Variants in SPRYD3 observed in about 807,000 individuals in gnomAD.
The protein encoded by SPRYD3 is SPRY domain-containing protein 3.
Under a neutral mutation model 50.1 loss-of-function variants are expected in SPRYD3, and 17 were observed. The ratio of observed to expected loss-of-function variants is 0.34; its 90% CI spans 0.23 to 0.51. The LOEUF is 0.51. Among genes scored for constraint, SPRYD3 ranks in the 20% least tolerant of loss-of-function variants. The probability of loss-of-function intolerance (pLI) is 0.97; values close to 1 mark genes in which losing one functional copy is unlikely to be tolerated. For synonymous variants in SPRYD3, 198 were observed against 215.5 expected (o/e 0.92, Z 0.71); for missense variants, 401 against 591.2 (o/e 0.68, Z 3.34).
Position 53,067,638 on chromosome 12 carries a change from C to T in SPRYD3, c.901+10G>A, listed in dbSNP as rs149832708. The stretch of plus-strand genomic sequence containing the variant: ...ACCATCCCACCTTTCCCAGGCAGCC[C>T]GCTATTCACCTGCATGATAAGCCAC... On this transcript the variant is annotated intron_variant, in intron 8 of 10. Transcript: ENST00000301463. 1.6e-3 allele frequency: 2,568 copies of T among 1,613,602 alleles called. 11 individuals are homozygous for T. The highest frequency in any genetic ancestry group is 1.9e-3 in the Non-Finnish European group (2,192 of 1,179,582).
chr12:53,073,260 C>CCGGGGGGGGGGGGGCG, intron 6 of SPRYD3, 26 bp downstream of exon 6: 1 of 416,308 alleles, frequency 2.4e-6, no homozygotes, highest in Non-Finnish European at 4.4e-6. Context: ...GACCCAGCCC[C>CCGGGGGGGGGGGGGCG]TCCCACCCTC....
chr12:53,066,291 C>T (rs1565616411), intron 10 of SPRYD3, 23 bp downstream of exon 10: 16 of 1,608,680 alleles, frequency 9.9e-6, no homozygotes, highest in Admixed American at 1.7e-5. Flanking sequence ...ACCCTGGTCC[C>T]ACCTCAAACT....
rs772471730 is a variant in SPRYD3, at chr12:53,066,343, C to G, written c.1165G>C (p.Glu389Gln). 6.2e-7 allele frequency: 1 copy of G among 1,614,166 alleles called. No homozygotes were observed. Among genetic ancestry groups the G allele is most frequent in the Non-Finnish European group, 8.5e-7 (1 of 1,179,992 alleles). Residue 389 changes from glutamate to glutamine, a missense_variant, in exon 10 of 11, where the codon GAG becomes CAG. Glu to Gln is a conservative substitution (Grantham distance 29). Transcript: ENST00000301463. ...EEEEEDGEEI[E>Q]PEHEGRKVVV... Reference sequence around the variant, plus strand: ...ACCTTCCTGCCCTCATGCTCCGGCTCTATCTCTTCCCCATCCTCTTCCTCT... The same window carrying G: ...ACCTTCCTGCCCTCATGCTCCGGCTGTATCTCTTCCCCATCCTCTTCCTCT...
intron 6 of SPRYD3, among the ~76,000 whole-genome samples, chr12:53,070,511 ACCTGGGTTCAAAT>A: frequency 6.6e-6 from 1 of 152,300 alleles, no homozygotes; most frequent in African/African-American, 2.4e-5. Flanking sequence ...AATCCAACAG[ACCTGGGTTCAAAT>A]CCTAACTCCT....
At position 53,075,212 on chromosome 12, in the gene SPRYD3, A is replaced by G. The variant is rs1343534596; in HGVS notation, c.254T>C (p.Ile85Thr). The G allele has an allele frequency of 1.9e-6, 3 of 1,605,958 alleles. No homozygotes were observed. The highest frequency in any genetic ancestry group is 2.7e-5 in the African/African-American group (2 of 74,890). ...GGTGCCCCGGACTCCACTGTCCACA[A>G]TAGACACCTGGAGAGAAGAAAGCAG... ...TKDSNYFEVSIVDSGVRGTIA... is the reference protein window; with the variant it reads ...TKDSNYFEVSTVDSGVRGTIA... The change falls in exon 4 of 11, where the codon ATT becomes ACT. Residue 85 changes from isoleucine to threonine, a missense_variant. Coordinates refer to ENST00000301463, the MANE Select transcript of SPRYD3 (RefSeq NM_032840.3).
At chr12:53,078,899 C>T (rs1944610703) in intron 1 of SPRYD3, among the ~76,000 whole-genome samples, 1 of 152,188 alleles carries the variant, frequency 6.6e-6, no homozygotes, top group Non-Finnish European at 1.5e-5. Context: ...TATGCAGTAG[C>T]TACAACCCAC....
rs2121195121 is a variant in SPRYD3, at chr12:53,066,403, G to A, written c.1105C>T (p.His369Tyr). Residue 369 changes from histidine (H) to tyrosine (Y), a missense_variant, in exon 10 of 11, where the codon CAC becomes TAC. Physicochemically the swap from His to Tyr is moderately conservative, Grantham distance 83 (BLOSUM62 2). Coordinates refer to ENST00000301463, the MANE Select transcript of SPRYD3 (RefSeq NM_032840.3). ...TCCTCTTCCTCTTCCCCTTCCTGGT[G>A]CAGGTACATGACATTCCGCACGTTC... ...VRNVRNVMYL[H>Y]QEGEEEEEEE... 2 of 1,614,036 alleles carry A rather than the reference G, an allele frequency of 1.2e-6. No individual in the cohort carries two copies. The highest frequency in any genetic ancestry group is 1.3e-5 in the African/African-American group (1 of 74,974).
intron 1 of SPRYD3, 37 bp downstream of exon 1, chr12:53,079,274 C>G: frequency 6.3e-7 from 1 of 1,587,980 alleles, no homozygotes; most frequent in Non-Finnish European, 8.6e-7. Flanking sequence ...CGGGGAGATA[C>G]GAGGCCTCCG....
In SPRYD3 at chr12:53,066,333, TGCTCCG is replaced by T; in HGVS notation, c.1169_1174del (p.Pro390_Glu391del). On this transcript the variant is annotated inframe_deletion, in exon 10 of 11. Coordinates refer to ENST00000301463, the MANE Select transcript of SPRYD3 (RefSeq NM_032840.3). The stretch of plus-strand genomic sequence containing the variant: ...ACTCACCACCACCTTCCTGCCCTCA[TGCTCCG>T]GCTCTATCTCTTCCCCATCCTCTTC... 6.2e-7 allele frequency: 1 copy of T among 1,614,082 alleles called. No homozygotes were observed. The highest frequency in any genetic ancestry group is 1.1e-5 in the South Asian group (1 of 91,056).
intron 3 of SPRYD3, 83 bp from the exon 4 acceptor site, chr12:53,075,302 T>C: frequency 6.9e-7 from 1 of 1,452,294 alleles, no homozygotes; most frequent in Non-Finnish European, 9.5e-7. Context: ...GACTTAGAGA[T>C]TAAAGGGCGC....
At chr12:53,077,351 G>T in intron 1 of SPRYD3, 90 bp from the exon 2 acceptor site, 1 of 1,424,328 alleles carries the variant, frequency 7.0e-7, no homozygotes, top group Non-Finnish European at 9.6e-7. Flanking sequence ...GAAGGCACTG[G>T]CCTTGAGGCC....
At chr12:53,071,723 TAAA>T (rs60600870) in intron 6 of SPRYD3, among the ~76,000 whole-genome samples, 3 of 104,470 alleles carry the variant, frequency 2.9e-5, no homozygotes, top group South Asian at 3.5e-4. Flanking sequence ...TAGCCTGTCT[TAAA>T]AAAAAAAAAA....
intron 6 of SPRYD3, 29 bp downstream of exon 6, chr12:53,073,257 C>CCCCGGGGGGGGGGG: frequency 5.5e-6 from 2 of 363,996 alleles, no homozygotes; most frequent in East Asian, 4.4e-5. Context: ...TCCGACCCAG[C>CCCCGGGGGGGGGGG]CCCTCCCACC....
Position 53,073,345 on chromosome 12 carries a change from T to G in SPRYD3, c.634A>C (p.Met212Leu), listed in dbSNP as rs200023210. The change falls in exon 6 of 11, where the codon ATG becomes CTG. Residue 212 changes from methionine (M) to leucine (L), a missense_variant. By Grantham distance (15) the Met-to-Leu change is conservative. Coordinates refer to ENST00000301463, the MANE Select transcript of SPRYD3 (RefSeq NM_032840.3). Reference sequence around the variant, plus strand: ...CATTCATCCTCGTAACTGTCCACCATCATGACGCTGTCGTCCTCACGGCCC... The same window carrying G: ...CATTCATCCTCGTAACTGTCCACCAGCATGACGCTGTCGTCCTCACGGCCC... Reference protein sequence around the residue: ...ELGREDDSVMMVDSYEDEWGR... With the variant: ...ELGREDDSVMLVDSYEDEWGR... The G allele has an allele frequency of 6.6e-7, 1 of 1,509,678 alleles. No individual in the cohort carries two copies. Among genetic ancestry groups the G allele is most frequent in the Non-Finnish European group, 8.9e-7 (1 of 1,122,088 alleles). The allele number at this position is 1,509,678 out of a possible 1,614,324, so 93.5% of individuals were successfully genotyped here. A position where few individuals can be genotyped will look rare whatever the true frequency, so the allele number is the denominator to read the frequency against.
Position 53,065,085 on chromosome 12 carries a change from A to C in SPRYD3, c.*747T>G, listed in dbSNP as rs989558092. On this transcript the variant is annotated 3_prime_UTR_variant, in exon 11 of 11. Coordinates refer to ENST00000301463, the MANE Select transcript of SPRYD3 (RefSeq NM_032840.3). ...AGCTAGGGACATGGGTGGCACTGGT[A>C]AAGAAAGGATGGAAGGGGAGAAAGG... 6.6e-6 allele frequency: 1 copy of C among 152,442 alleles called. No individual in the cohort carries two copies. Among genetic ancestry groups the C allele is most frequent in the Non-Finnish European group, 1.5e-5 (1 of 68,158 alleles). 9.4% of individuals were successfully genotyped at this position (152,442 alleles called of 1,614,324 possible).
At position 53,065,924 on chromosome 12, in the gene SPRYD3, C is replaced by T. The variant is rs1389825745; in HGVS notation, c.1237G>A (p.Ala413Thr). The T allele has an allele frequency of 1.1e-5, 17 of 1,613,854 alleles. No individual in the cohort carries two copies. The highest frequency in any genetic ancestry group is 1.4e-5 in the Non-Finnish European group (16 of 1,179,812). Residue 413 changes from alanine to threonine, a missense_variant, in exon 11 of 11, where the codon GCT becomes ACT. Coordinates refer to ENST00000301463, the MANE Select transcript of SPRYD3 (RefSeq NM_032840.3). ...RNGKIIGKKDAVVPSGGFFPT... is the reference protein window; with the variant it reads ...RNGKIIGKKDTVVPSGGFFPT... ...AAGAAGCCTCCAGAAGGAACAACAGCATCCTTCTTCCCAATGATCTTGCCA... is the reference window on the plus strand; with the variant it reads ...AAGAAGCCTCCAGAAGGAACAACAGTATCCTTCTTCCCAATGATCTTGCCA...
chr12:53,077,124 T>A lies in SPRYD3; in HGVS notation c.161A>T (p.Asp54Val). ...ATTCTCCTGAACTCACCTTAAAGTA[T>A]CTCCATCTACAAGGATATGTTTGAA... ...ERFKHILVDGDTLSYHGNSGE... is the reference protein window; with the variant it reads ...ERFKHILVDGVTLSYHGNSGE... The change falls in exon 2 of 11, where the codon GAT becomes GTT. Residue 54 changes from aspartate (D) to valine (V), a missense_variant. Asp to Val is a radical substitution (Grantham distance 152, BLOSUM62 -3). Coordinates refer to ENST00000301463, the MANE Select transcript of SPRYD3 (RefSeq NM_032840.3). 6.2e-7 allele frequency: 1 copy of A among 1,614,074 alleles called. No individual in the cohort carries two copies. Among genetic ancestry groups the A allele is most frequent in the Non-Finnish European group, 8.5e-7 (1 of 1,180,004 alleles).
At chr12:53,067,734 T>C (rs758569736) in intron 7 of SPRYD3, 29 bp from the exon 8 acceptor site, 4 of 1,602,902 alleles carry the variant, frequency 2.5e-6, no homozygotes, top group East Asian at 4.5e-5. Flanking sequence ...AGAAAATCTA[T>C]GGTCCCATGC....
chr12:53,073,793 G>T (rs894991715), intron 5 of SPRYD3, among the ~76,000 whole-genome samples: 1 of 149,862 alleles, frequency 6.7e-6, no homozygotes, highest in Non-Finnish European at 1.5e-5. Flanking sequence ...GCAGTGAGCC[G>T]AGATGGTGCC....
Sources: gnomAD v4.1 joint callset for allele counts (sites outside exome capture counted in the v4.1 genomes callset) on GRCh38, gnomAD v4.1.1 for gene constraint, MANE v1.5 for transcripts, NCBI Gene and HGNC (gene_info 2026-07-23, HGNC 2026-07-21) for gene names.